ZNF140: variants seen among roughly 807,000 people sequenced by gnomAD.
The protein encoded by ZNF140 is zinc finger protein 140 (clone pHZ-39).
A neutral mutation model predicts 12.9 loss-of-function variants in ZNF140; 13 were observed. The ratio of observed to expected loss-of-function variants is 1.01; its 90% CI spans 0.66 to 1.60. The LOEUF (loss-of-function observed/expected upper bound fraction) is 1.60. Among genes scored for constraint, ZNF140 ranks in the 40% most tolerant of loss-of-function variants. ZNF140 has a pLI of 0.00. For synonymous variants in ZNF140, 214 were observed against 186.7 expected (o/e 1.15, Z -1.19); for missense variants, 531 against 548.8 (o/e 0.97, Z 0.32).
Position 133,093,185 on chromosome 12 carries a change from C to T in ZNF140, c.232+9624C>T, listed in dbSNP as rs1010149777. Among the ~76,000 whole-genome samples the T allele has an allele frequency of 3.2e-4, 49 of 151,244 alleles. 4 individuals are homozygous for T. The highest frequency in any genetic ancestry group is 1.1e-3 in the African/African-American group (44 of 40,908). ...TCCTTCTTCAGGTTGGGCAGGGCCACGGTCATCCATGGGGCCTGGTACCCA... is the reference window on the plus strand; with the variant it reads ...TCCTTCTTCAGGTTGGGCAGGGCCATGGTCATCCATGGGGCCTGGTACCCA... On this transcript the variant is annotated intron_variant, in intron 4 of 4. Transcript: ENST00000355557.
chr12:133,084,238 G>GAA, intron 4 of ZNF140: 6 of 345,768 alleles, frequency 1.7e-5, no homozygotes, highest in East Asian at 9.6e-5. Context: ...ACCTGAGAAA[G>GAA]AAAAAAAAAA....
At chr12:133,086,929 A>G (rs940990838) in intron 4 of ZNF140, among the ~76,000 whole-genome samples, 4 of 152,160 alleles carry the variant, frequency 2.6e-5, no homozygotes, top group African/African-American at 7.2e-5. Flanking sequence ...TTAAATGTCA[A>G]TTTTTGTGTT....
At chr12:133,105,082 A>G (rs1955539279) in intron 4 of ZNF140, among the ~76,000 whole-genome samples, 1 of 152,194 alleles carries the variant, frequency 6.6e-6, no homozygotes. Flanking sequence ...CATTTAGATT[A>G]TTATAAGATG....
chr12:133,101,659 G>A (rs1955354538), intron 4 of ZNF140, among the ~76,000 whole-genome samples: 1 of 152,112 alleles, frequency 6.6e-6, no homozygotes. Context: ...TAGCCAGGAT[G>A]GTCTTGATCT....
At chr12:133,094,392 G>T (rs944611546) in intron 4 of ZNF140, among the ~76,000 whole-genome samples, 2 of 150,906 alleles carry the variant, frequency 1.3e-5, no homozygotes, top group African/African-American at 4.9e-5. Flanking sequence ...GCAATCCTTT[G>T]AATCAATTAT....
intron 4 of ZNF140, among the ~76,000 whole-genome samples, chr12:133,089,800 T>C (rs1159784774): frequency 6.6e-6 from 1 of 152,072 alleles, no homozygotes; most frequent in Non-Finnish European, 1.5e-5. Flanking sequence ...ACTAGGTTGA[T>C]TTGGTTGCTT....
intron 4 of ZNF140, among the ~76,000 whole-genome samples, chr12:133,085,145 C>T (rs1954634431): frequency 1.3e-5 from 2 of 152,054 alleles, no homozygotes; most frequent in Non-Finnish European, 2.9e-5. Context: ...CTGCTTCAGC[C>T]CCCTGAGTAA....
At chr12:133,095,953 A>G (rs1955093455) in intron 4 of ZNF140, among the ~76,000 whole-genome samples, 2 of 151,496 alleles carry the variant, frequency 1.3e-5, no homozygotes, top group South Asian at 2.1e-4. Flanking sequence ...CGAGACATTC[A>G]GTTCCCAGGG....
intron 4 of ZNF140, among the ~76,000 whole-genome samples, chr12:133,089,937 C>T (rs1954800855): frequency 6.6e-6 from 1 of 151,614 alleles, no homozygotes; most frequent in Non-Finnish European, 1.5e-5. Context: ...GCAGCCTCTG[C>T]CTCCCGGGTT....
chr12:133,082,929 A>G (rs1954552163), intron 2 of ZNF140, 174 bp from the exon 3 acceptor site: 3 of 873,554 alleles, frequency 3.4e-6, no homozygotes, highest in Non-Finnish European at 5.0e-6. Flanking sequence ...CCAGTTATAC[A>G]ACAAAACACA....
At chr12:133,081,414 G>A (rs1024976744) in intron 2 of ZNF140, 85 bp downstream of exon 2, 6 of 241,022 alleles carry the variant, frequency 2.5e-5, no homozygotes, top group African/African-American at 1.3e-4. Context: ...GTCTCCTCCT[G>A]TCGCCCAGGC....
Position 133,081,348 on chromosome 12 carries a change from A to AATATATATATATATATATATAT in ZNF140, c.9+21_9+42dup, listed in dbSNP as rs368640870. 494 of 318,650 alleles carry AATATATATATATATATATATAT rather than the reference A, an allele frequency of 1.6e-3. 24 individuals carry two copies. The highest frequency in any genetic ancestry group is 3.6e-3 in the African/African-American group (117 of 32,508). 19.7% of individuals were successfully genotyped at this position (318,650 alleles called of 1,614,324 possible). A position where few individuals can be genotyped will look rare whatever the true frequency, so the allele number is the denominator to read the frequency against. On this transcript the variant is annotated intron_variant, in intron 2 of 4. Transcript: ENST00000355557. ...GTCTCAGGTAAGCTAATGATTGATA[A>AATATATATATATATATATATAT]ATATATATATATATATATATATAAA...
rs1232704793 is a variant in ZNF140, at chr12:133,091,115, G to T, written c.232+7554G>T. On this transcript the variant is annotated intron_variant, in intron 4 of 4. Coordinates refer to ENST00000355557, the MANE Select transcript of ZNF140 (RefSeq NM_003440.4). ...TCCATCTCAGCACAGACCTTTTACA[G>T]GTGTCGGGCTGGGGGACGGTCAGGT... Among the ~76,000 whole-genome samples, 631 of 148,702 alleles carry T rather than the reference G, an allele frequency of 4.2e-3. 3 individuals carry two copies. The highest frequency in any genetic ancestry group is 5.8e-3 in the Non-Finnish European group (388 of 66,670).
At chr12:133,090,839 AC>A (rs538171391) in intron 4 of ZNF140, among the ~76,000 whole-genome samples, 2,480 of 128,574 alleles carry the variant, frequency 0.019, 152 homozygotes, top group African/African-American at 0.064. Flanking sequence ...AAGGGAAGGT[AC>A]TATGCCTAGA....
intron 4 of ZNF140, among the ~76,000 whole-genome samples, chr12:133,103,418 CTAAGTTT>C (rs746680693): frequency 6.8e-6 from 1 of 146,122 alleles, no homozygotes; most frequent in Admixed American, 6.8e-5. Flanking sequence ...AGTACCGTGC[CTAAGTTT>C]TAATTTTTTT....
At chr12:133,100,987 G>A (rs1043155339) in intron 4 of ZNF140, 3 of 454,790 alleles carry the variant, frequency 6.6e-6, no homozygotes, top group African/African-American at 6.0e-5. Context: ...TTGAACAAAG[G>A]TAACTGAAGT....
chr12:133,095,781 C>G (rs1456559236), intron 4 of ZNF140, among the ~76,000 whole-genome samples: 170 of 151,830 alleles, frequency 1.1e-3, no homozygotes, highest in Non-Finnish European at 2.0e-3. Context: ...GGTACTATGC[C>G]TGGATGTGCA....
At chr12:133,090,873 G>A (rs1954844335) in intron 4 of ZNF140, among the ~76,000 whole-genome samples, 2 of 135,666 alleles carry the variant, frequency 1.5e-5, no homozygotes, top group Non-Finnish European at 3.3e-5. Context: ...CCAGATTTAT[G>A]TTTCTCTCCA....
At chr12:133,099,064 C>A (rs1388559356) in intron 4 of ZNF140, among the ~76,000 whole-genome samples, 1 of 152,090 alleles carries the variant, frequency 6.6e-6, no homozygotes, top group Admixed American at 6.6e-5. Context: ...TTAGTAGAGA[C>A]GGGGTGTCAC....
Sources: gnomAD v4.1 joint callset for allele counts (sites outside exome capture counted in the v4.1 genomes callset) on GRCh38, gnomAD v4.1.1 for gene constraint, MANE v1.5 for transcripts, NCBI Gene and HGNC (gene_info 2026-07-23, HGNC 2026-07-21) for gene names.